Variants in ZSWIM6 observed in about 807,000 individuals in gnomAD.
The protein encoded by ZSWIM6 is zinc finger SWIM domain-containing protein 6.
A neutral mutation model predicts 113.2 loss-of-function variants in ZSWIM6; 9 were observed. The ratio of observed to expected loss-of-function variants is 0.08; its 90% confidence interval spans 0.05 to 0.14. The LOEUF is 0.14. Ranked by LOEUF, ZSWIM6 falls within the 10% of genes least tolerant of loss-of-function variation. The pLI, the probability that ZSWIM6 is intolerant of heterozygous loss-of-function variation, is 1.00. For synonymous variants in ZSWIM6, 611 were observed against 606.5 expected, an observed-to-expected ratio of 1.01 and a Z score of -0.11; for missense variants, 1,162 against 1,552.2, an observed-to-expected ratio of 0.75 and a Z score of 4.22.
intron 2 of ZSWIM6, among the ~76,000 whole-genome samples, chr5:61,487,640 G>T: frequency 6.6e-6 from 1 of 151,564 alleles, no homozygotes; most frequent in African/African-American, 2.4e-5. Context: ...ATTTTATTTT[G>T]TTTTTTGGTA....
At chr5:61,475,996 T>C (rs1479029864) in intron 2 of ZSWIM6, among the ~76,000 whole-genome samples, 11 of 152,196 alleles carry the variant, frequency 7.2e-5, no homozygotes. Flanking sequence ...AAAGCATCAC[T>C]TTTACCTCGC....
chr5:61,483,249 C>A (rs1042431496), intron 2 of ZSWIM6, among the ~76,000 whole-genome samples: 1 of 152,046 alleles, frequency 6.6e-6, no homozygotes, highest in Non-Finnish European at 1.5e-5. Context: ...CTTATAAAGA[C>A]ACCAGTTCCC....
At chr5:61,439,291 G>A (rs1400111623) in intron 1 of ZSWIM6, among the ~76,000 whole-genome samples, 1 of 152,090 alleles carries the variant, frequency 6.6e-6, no homozygotes, top group Admixed American at 6.5e-5. Flanking sequence ...AATATCTGGT[G>A]AGCATCTGTT....
intron 1 of ZSWIM6, among the ~76,000 whole-genome samples, chr5:61,371,309 T>G (rs1034081047): frequency 4.6e-5 from 7 of 152,234 alleles, no homozygotes; most frequent in African/African-American, 1.7e-4. Context: ...ACACTTATTA[T>G]GAAGATGTAA....
At chr5:61,428,331 C>T (rs1241705624) in intron 1 of ZSWIM6, among the ~76,000 whole-genome samples, 1 of 152,056 alleles carries the variant, frequency 6.6e-6, no homozygotes, top group Non-Finnish European at 1.5e-5. Flanking sequence ...TAGTAATTTT[C>T]CTGAGTTTTA....
At chr5:61,386,040 G>C (rs1357234708) in intron 1 of ZSWIM6, among the ~76,000 whole-genome samples, 3 of 152,124 alleles carry the variant, frequency 2.0e-5, no homozygotes, top group Non-Finnish European at 2.9e-5. Flanking sequence ...TGCTAAAGAT[G>C]GGAAATATTT....
At chr5:61,377,942 A>G (rs1205013508) in intron 1 of ZSWIM6, among the ~76,000 whole-genome samples, 7 of 152,242 alleles carry the variant, frequency 4.6e-5, no homozygotes, top group Non-Finnish European at 8.8e-5. Flanking sequence ...AAGAGAAATG[A>G]AAATTAAAAC....
chr5:61,442,701 C>T (rs1431650275), intron 1 of ZSWIM6, among the ~76,000 whole-genome samples: 1 of 152,198 alleles, frequency 6.6e-6, no homozygotes. Context: ...ACCAGTTCCT[C>T]CAACTGTGTC....
intron 1 of ZSWIM6, among the ~76,000 whole-genome samples, chr5:61,335,906 A>C (rs957728003): frequency 6.6e-6 from 1 of 152,270 alleles, no homozygotes; most frequent in Non-Finnish European, 1.5e-5. Context: ...ATTGGCACAG[A>C]GCTTGCTCAT....
intron 1 of ZSWIM6, among the ~76,000 whole-genome samples, chr5:61,401,372 T>G (rs1301875407): frequency 6.6e-6 from 1 of 152,194 alleles, no homozygotes; most frequent in Non-Finnish European, 1.5e-5. Flanking sequence ...AAGAATATTC[T>G]GTTGGAGGTA....
intron 1 of ZSWIM6, among the ~76,000 whole-genome samples, chr5:61,374,934 A>AT (rs200617575): frequency 1.3e-5 from 2 of 151,784 alleles, no homozygotes; most frequent in East Asian, 1.9e-4. Context: ...GCCAACAGGA[A>AT]TTTTTTTTTG....
At chr5:61,417,950 A>G (rs1163724056) in intron 1 of ZSWIM6, among the ~76,000 whole-genome samples, 1 of 152,196 alleles carries the variant, frequency 6.6e-6, no homozygotes, top group Non-Finnish European at 1.5e-5. Context: ...TTAGAATTCG[A>G]AGGTACTTTA....
intron 1 of ZSWIM6, among the ~76,000 whole-genome samples, chr5:61,335,849 A>G (rs1364005542): frequency 6.6e-6 from 1 of 152,258 alleles, no homozygotes; most frequent in Non-Finnish European, 1.5e-5. Flanking sequence ...AAAGAAATTT[A>G]AGGGAAAAAA....
intron 1 of ZSWIM6, among the ~76,000 whole-genome samples, chr5:61,361,006 A>G (rs1264214367): frequency 6.6e-6 from 1 of 152,190 alleles, no homozygotes; most frequent in Non-Finnish European, 1.5e-5. Context: ...TTAAATCAGG[A>G]CGAATAAAAA....
intron 1 of ZSWIM6, among the ~76,000 whole-genome samples, chr5:61,436,870 C>G (rs372862801): frequency 6.6e-6 from 1 of 152,084 alleles, no homozygotes; most frequent in Non-Finnish European, 1.5e-5. Context: ...GATTTTCAGC[C>G]TGAAATATTC....
rs191425766 is a variant in ZSWIM6, at chr5:61,534,084, G to C, written c.2246-1400G>C. Among the ~76,000 whole-genome samples, 6 of 152,258 alleles carry C rather than the reference G, an allele frequency of 3.9e-5. No homozygotes were observed. The East Asian group carries it at 1.2e-3, about 29-fold the overall frequency. ...GGATACAATTACATTGGGGCTGGGG[G>C]CTTCCAAATGTGAATTTTGGGAAGA... On this transcript the variant is annotated intron_variant, in intron 9 of 13. Coordinates refer to ENST00000252744, the MANE Select transcript of ZSWIM6 (RefSeq NM_020928.2).
At chr5:61,541,061 A>G (rs1477448502) in intron 12 of ZSWIM6, among the ~76,000 whole-genome samples, 1 of 151,674 alleles carries the variant, frequency 6.6e-6, no homozygotes, top group Non-Finnish European at 1.5e-5. Flanking sequence ...CTTCTACTTC[A>G]GCCCCCTGAG....
intron 2 of ZSWIM6, among the ~76,000 whole-genome samples, chr5:61,476,976 T>TA: frequency 6.6e-6 from 1 of 152,112 alleles, no homozygotes; most frequent in Non-Finnish European, 1.5e-5. Flanking sequence ...TGGATAATTA[T>TA]AAAAAAAGAT....
At chr5:61,475,173 A>G (rs1044017116) in intron 2 of ZSWIM6, among the ~76,000 whole-genome samples, 1 of 152,066 alleles carries the variant, frequency 6.6e-6, no homozygotes, top group South Asian at 2.1e-4. Context: ...AGAATATACC[A>G]TTTCTTCAAA....
Sources: gnomAD v4.1 joint callset for allele counts (sites outside exome capture counted in the v4.1 genomes callset) on GRCh38, gnomAD v4.1.1 for gene constraint, MANE v1.5 for transcripts, NCBI Gene and HGNC (gene_info 2026-07-23, HGNC 2026-07-21) for gene names.